The following MALRD1 variants were observed in gnomAD, a reference collection of about 807,000 sequenced individuals.
The protein encoded by MALRD1 is MAM and LDL receptor class A domain containing 1, also known as MAM and LDL-receptor class A domain-containing protein 1.
Under a neutral mutation model 242.1 loss-of-function variants are expected in MALRD1, and 247 were observed. The observed-to-expected ratio is 1.02, with a 90% CI of 0.92 to 1.13. The LOEUF is 1.13. Among genes scored for constraint, MALRD1 ranks in the 50% most tolerant of loss-of-function variants. The pLI, the probability that MALRD1 is intolerant of heterozygous loss-of-function variation, is 0.00. For missense variants in MALRD1, 2,989 were observed against 2,533.1 expected, an observed-to-expected ratio of 1.18 and a Z score of -3.86; for synonymous variants, 995 against 866.6, an observed-to-expected ratio of 1.15 and a Z score of -2.60.
intron 24 of MALRD1, among the ~76,000 whole-genome samples, chr10:19,341,127 ATC>A (rs1170586696): frequency 1.3e-5 from 2 of 152,068 alleles, no homozygotes; most frequent in African/African-American, 4.8e-5. Flanking sequence ...TATTTTGTAT[ATC>A]TTTCTATATT....
chr10:19,292,171 G>A (rs571776863), intron 21 of MALRD1, among the ~76,000 whole-genome samples: 1 of 151,368 alleles, frequency 6.6e-6, no homozygotes, highest in African/African-American at 2.4e-5. Context: ...TCTACCCTGA[G>A]TCAGTCTAAA....
intron 31 of MALRD1, among the ~76,000 whole-genome samples, chr10:19,525,822 A>G (rs971722846): frequency 6.6e-6 from 1 of 152,154 alleles, no homozygotes; most frequent in African/African-American, 2.4e-5. Context: ...AGTGTAATCG[A>G]TTTTACAAAA....
rs897948882 is a variant in MALRD1, at chr10:19,210,287, T to C, written c.2991+607T>C. Among the ~76,000 whole-genome samples, 3 of 152,318 alleles carry C rather than the reference T, an allele frequency of 2.0e-5. No homozygotes were observed. The East Asian group carries it at 5.8e-4, about 29-fold the overall frequency. On this transcript the variant is annotated intron_variant, in intron 18 of 39. Transcript: ENST00000454679. ...TTTATATATTATCTATCTGATTCTC[T>C]CAGCAATTTCCTGATTTTGGTAAGC...
At chr10:19,100,350 G>T (rs912694947) in intron 4 of MALRD1, among the ~76,000 whole-genome samples, 6 of 151,896 alleles carry the variant, frequency 4.0e-5, no homozygotes, top group Admixed American at 3.9e-4. Flanking sequence ...AAGTTAACAT[G>T]TAATTTAACA....
At chr10:19,440,517 C>T (rs937045693) in intron 28 of MALRD1, among the ~76,000 whole-genome samples, 4 of 152,026 alleles carry the variant, frequency 2.6e-5, no homozygotes, top group South Asian at 2.1e-4. Context: ...CAACAGGACC[C>T]GATGTGTGAT....
intron 28 of MALRD1, among the ~76,000 whole-genome samples, chr10:19,427,629 C>T (rs1470059432): frequency 6.6e-6 from 1 of 152,042 alleles, no homozygotes; most frequent in Non-Finnish European, 1.5e-5. Context: ...TGGCTTCATC[C>T]CCTAAGTAGT....
chr10:19,395,525 A>G (rs1846536352), intron 28 of MALRD1, among the ~76,000 whole-genome samples: 1 of 152,126 alleles, frequency 6.6e-6, no homozygotes, highest in Non-Finnish European at 1.5e-5. Context: ...TTATGCATGT[A>G]TCTCAGTGAG....
chr10:19,287,648 A>T (rs1181440357), intron 21 of MALRD1, among the ~76,000 whole-genome samples: 1 of 152,122 alleles, frequency 6.6e-6, no homozygotes, highest in Non-Finnish European at 1.5e-5. Context: ...AATGATTGAT[A>T]TTTGGTAATG....
Position 19,373,686 on chromosome 10 carries a change from A to G in MALRD1, c.4442-13842A>G, listed in dbSNP as rs142971610. 3.5e-3 allele frequency among the ~76,000 whole-genome samples: 531 copies of G among 152,298 alleles called. 4 individuals carry two copies. Among genetic ancestry groups the G allele is most frequent in the African/African-American group, 0.012 (512 of 41,566 alleles). On this transcript the variant is annotated intron_variant, in intron 26 of 39. Transcript: ENST00000454679. ...AAGTTTCTCACACGTGTATACTTGT[A>G]TATGTGCTATTCTTCACTTTACATT...
At position 19,283,070 on chromosome 10, in the gene MALRD1, C is replaced by A. The variant is rs780622847; in HGVS notation, c.3308C>A (p.Pro1103Gln). Reference sequence around the variant, plus strand: ...AGAAGCCTGTGTAAATGGTATCAACCAATCCCAGTACATTTGCTTCAAGAT... The same window carrying A: ...AGAAGCCTGTGTAAATGGTATCAACAAATCCCAGTACATTTGCTTCAAGAT... ...EKRSLCKWYQ[P>Q]IPVHLLQDSN... Residue 1103 changes from proline to glutamine, a missense_variant, in exon 21 of 40, where the codon CCA becomes CAA. Pro to Gln is a moderately conservative substitution (Grantham distance 76). Transcript: ENST00000454679. 1.9e-6 allele frequency: 3 copies of A among 1,549,858 alleles called. No individual in the cohort carries two copies. The highest frequency in any genetic ancestry group is 1.2e-5 in the South Asian group (1 of 84,002).
chr10:19,730,734 T>A lies in MALRD1; in HGVS notation c.6343T>A (p.Phe2115Ile). The A allele has an allele frequency of 6.5e-7, 1 of 1,536,714 alleles. No homozygotes were observed. The highest frequency in any genetic ancestry group is 8.7e-7 in the Non-Finnish European group (1 of 1,147,044). Residue 2115 changes from phenylalanine to isoleucine, a missense_variant, in exon 39 of 40, where the codon TTT becomes ATT. Phe to Ile is a conservative substitution (Grantham distance 21). Coordinates refer to ENST00000454679, the MANE Select transcript of MALRD1 (RefSeq NM_001142308.3). ...RKTEGSGNCA[F>I]VNPVYGNWSN... Reference sequence around the variant, plus strand: ...AACCGAGGGAAGTGGTAACTGTGCCTTTGTCAATCCAGTTTACGGGAACTG... The same window carrying A: ...AACCGAGGGAAGTGGTAACTGTGCCATTGTCAATCCAGTTTACGGGAACTG...
intron 27 of MALRD1, among the ~76,000 whole-genome samples, chr10:19,388,893 A>G (rs1412748140): frequency 6.6e-6 from 1 of 151,404 alleles, no homozygotes. Flanking sequence ...AAAAAAAAAA[A>G]AAAAAAGAAA....
intron 38 of MALRD1, among the ~76,000 whole-genome samples, chr10:19,730,033 G>A (rs532443415): frequency 4.6e-5 from 7 of 152,190 alleles, no homozygotes; most frequent in African/African-American, 9.6e-5. Flanking sequence ...CACCACGCCC[G>A]GCCTATAAGT....
At chr10:19,237,579 TATAA>T (rs1838386235) in intron 18 of MALRD1, among the ~76,000 whole-genome samples, 4 of 13,690 alleles carry the variant, frequency 2.9e-4, no homozygotes, top group Admixed American at 2.4e-3. Flanking sequence ...TATATATAAT[TATAA>T]TTATATAATT....
chr10:19,709,243 TAAAAAA>T lies in MALRD1; in HGVS notation c.6314+16709_6314+16714del, dbSNP rs557818453. Among the ~76,000 whole-genome samples the T allele has an allele frequency of 8.5e-3, 904 of 105,942 alleles. 12 individuals carry two copies. The highest frequency in any genetic ancestry group is 0.028 in the African/African-American group (783 of 27,550). 69.5% of individuals were successfully genotyped at this position (105,942 alleles called of 152,430 possible). ...TAACATGGTGAAACCCCGTCTGTACTAAAAAAAAAAAAAAAAAAAAAAAAATACAAA... is the reference window on the plus strand; with the variant it reads ...TAACATGGTGAAACCCCGTCTGTACTAAAAAAAAAAAAAAAAAAATACAAA... On this transcript the variant is annotated intron_variant, in intron 38 of 39. Coordinates refer to ENST00000454679, the MANE Select transcript of MALRD1 (RefSeq NM_001142308.3).
chr10:19,289,299 A>G (rs1564533132), intron 21 of MALRD1, among the ~76,000 whole-genome samples: 2 of 152,164 alleles, frequency 1.3e-5, no homozygotes, highest in African/African-American at 4.8e-5. Flanking sequence ...ACCACTTTCA[A>G]TAGACTGGAA....
chr10:19,731,403 T>A (rs944760127), intron 39 of MALRD1, among the ~76,000 whole-genome samples: 2 of 152,120 alleles, frequency 1.3e-5, no homozygotes, highest in African/African-American at 4.8e-5. Context: ...ATGTTTAAGG[T>A]ATACATTATA....
intron 36 of MALRD1, among the ~76,000 whole-genome samples, chr10:19,628,484 A>G (rs1195115371): frequency 6.6e-6 from 1 of 152,162 alleles, no homozygotes; most frequent in Non-Finnish European, 1.5e-5. Flanking sequence ...AAGTATCCAT[A>G]TTGTTAGGTG....
intron 8 of MALRD1, among the ~76,000 whole-genome samples, chr10:19,131,011 T>C (rs889206844): frequency 2.6e-5 from 4 of 152,098 alleles, no homozygotes; most frequent in Non-Finnish European, 4.4e-5. Context: ...ATCTTAGAGA[T>C]TGTTGACTGA....
Sources: gnomAD v4.1 joint callset for allele counts (sites outside exome capture counted in the v4.1 genomes callset) on GRCh38, gnomAD v4.1.1 for gene constraint, MANE v1.5 for transcripts, NCBI Gene and HGNC (gene_info 2026-07-23, HGNC 2026-07-21) for gene names.